Variants in B4GALT6 observed in about 807,000 individuals in gnomAD.
B4GALT6 encodes beta-1,4-galactosyltransferase 6.
A neutral mutation model predicts 46.3 loss-of-function variants in B4GALT6; 14 were observed. The observed-to-expected ratio is 0.30, with a 90% CI of 0.20 to 0.47. B4GALT6 has a LOEUF of 0.47. B4GALT6 is among the 20% of genes least tolerant of loss of function. B4GALT6 has a pLI of 0.99. For synonymous variants in B4GALT6, 168 were observed against 162.0 expected (o/e 1.04, Z -0.28); for missense variants, 386 against 480.1 (o/e 0.80, Z 1.83).
chr18:31,664,707 T>A (rs1042557281), intron 2 of B4GALT6, among the ~76,000 whole-genome samples: 1 of 152,202 alleles, frequency 6.6e-6, no homozygotes, highest in Admixed American at 6.5e-5. Context: ...AGATGTCTAT[T>A]TCCTTTCAGT....
At chr18:31,666,885 T>C (rs755375219) in intron 1 of B4GALT6, among the ~76,000 whole-genome samples, 2 of 152,156 alleles carry the variant, frequency 1.3e-5, no homozygotes, top group African/African-American at 2.4e-5. Flanking sequence ...CTAGGATCAG[T>C]ATCTGTTTGG....
At chr18:31,658,387 C>T (rs1260934232) in intron 2 of B4GALT6, 4 of 242,668 alleles carry the variant, frequency 1.6e-5, no homozygotes, top group Non-Finnish European at 3.2e-5. Context: ...TGGCTGAGCC[C>T]GATCTACAGG....
At chr18:31,665,470 T>A (rs1256995867) in intron 2 of B4GALT6, among the ~76,000 whole-genome samples, 1 of 152,198 alleles carries the variant, frequency 6.6e-6, no homozygotes. Context: ...CCGGGCACAG[T>A]GGCTCATGCC....
the B4GALT6 span, among the ~76,000 whole-genome samples, chr18:31,703,089 T>TA: frequency 6.3e-4 from 96 of 152,012 alleles, 2 homozygotes; most frequent in East Asian, 3.9e-3. Context: ...ATTCTTTTGA[T>TA]AAAAAAAATA....
chr18:31,668,977 C>T (rs1210937168), intron 1 of B4GALT6, among the ~76,000 whole-genome samples: 1 of 151,162 alleles, frequency 6.6e-6, no homozygotes, highest in African/African-American at 2.4e-5. Context: ...GACTGCGCCA[C>T]TGCACTCTAG....
chr18:31,651,748 C>T (rs1022308941), intron 3 of B4GALT6, among the ~76,000 whole-genome samples: 1 of 152,062 alleles, frequency 6.6e-6, no homozygotes, highest in African/African-American at 2.4e-5. Context: ...GCTTCTCCCT[C>T]ATCCTTCCCA....
the B4GALT6 span, among the ~76,000 whole-genome samples, chr18:31,711,805 T>C: frequency 3.9e-5 from 6 of 152,192 alleles, no homozygotes; most frequent in Non-Finnish European, 8.8e-5. Context: ...ACATGCAGGC[T>C]CCTTATCCCT....
chr18:31,661,002 C>A (rs754880093), intron 2 of B4GALT6, among the ~76,000 whole-genome samples: 2 of 152,176 alleles, frequency 1.3e-5, no homozygotes, highest in African/African-American at 2.4e-5. Context: ...GGAAACCCCC[C>A]CTTAGCGTGG....
At chr18:31,669,311 C>T (rs1396254143) in intron 1 of B4GALT6, among the ~76,000 whole-genome samples, 1 of 152,120 alleles carries the variant, frequency 6.6e-6, no homozygotes, top group Non-Finnish European at 1.5e-5. Context: ...ATAAACATGT[C>T]ATCCTTGTGC....
chr18:31,705,852 C>A, the B4GALT6 span, among the ~76,000 whole-genome samples: 1 of 152,108 alleles, frequency 6.6e-6, no homozygotes. Flanking sequence ...TTTTTTATTG[C>A]CCTATAGAAC....
chr18:31,683,491 C>G (rs906206985), intron 1 of B4GALT6, among the ~76,000 whole-genome samples: 3 of 152,132 alleles, frequency 2.0e-5, no homozygotes, highest in African/African-American at 7.2e-5. Flanking sequence ...TTCTCATTCA[C>G]TAGAATTAAC....
chr18:31,724,581 A>T, the B4GALT6 span: 3 of 1,060,426 alleles, frequency 2.8e-6, no homozygotes, highest in Non-Finnish European at 3.4e-6. Context: ...ATTCTTGGAC[A>T]CGGATTCAGC....
intron 5 of B4GALT6, among the ~76,000 whole-genome samples, chr18:31,633,218 C>CCT (rs1344572794): frequency 4.6e-5 from 7 of 152,068 alleles, no homozygotes; most frequent in African/African-American, 1.7e-4. Flanking sequence ...TCCCAGTATC[C>CCT]CTCATCCTTT....
At position 31,659,774 on chromosome 18, in the gene B4GALT6, C is replaced by T. The variant is rs1328315777; in HGVS notation, c.233-1685G>A. 2.0e-5 allele frequency among the ~76,000 whole-genome samples: 3 copies of T among 152,028 alleles called. No homozygotes were observed. In the East Asian group the frequency reaches 5.8e-4, roughly 29 times the overall value. ...CTGACAAGGAAAATCTTCCAAATAA[C>T]AAGGGGAGGAGAAATTCAGTGAACA... On this transcript the variant is annotated intron_variant, in intron 2 of 8. Coordinates refer to ENST00000306851, the MANE Select transcript of B4GALT6 (RefSeq NM_004775.5).
the B4GALT6 span, among the ~76,000 whole-genome samples, chr18:31,705,107 A>G: frequency 6.6e-6 from 1 of 152,254 alleles, no homozygotes; most frequent in Non-Finnish European, 1.5e-5. Flanking sequence ...AGATAGGAAC[A>G]TAGACTAGAG....
the B4GALT6 span, among the ~76,000 whole-genome samples, chr18:31,704,221 ATT>A: frequency 1.5e-3 from 209 of 142,646 alleles, 2 homozygotes; most frequent in African/African-American, 3.5e-3. Flanking sequence ...AGAACATGAG[ATT>A]TTTTTTTTTT....
chr18:31,659,426 G>A (rs904344939), intron 2 of B4GALT6, among the ~76,000 whole-genome samples: 1 of 152,154 alleles, frequency 6.6e-6, no homozygotes, highest in African/African-American at 2.4e-5. Context: ...AGAGACTCAC[G>A]CCACCTGCAA....
chr18:31,671,573 C>T lies in B4GALT6; in HGVS notation c.116-5201G>A, dbSNP rs1255407197. Among the ~76,000 whole-genome samples the T allele has an allele frequency of 2.6e-5, 4 of 152,124 alleles. No individual in the cohort carries two copies. In the South Asian group the frequency reaches 6.2e-4, roughly 24 times the overall value. On this transcript the variant is annotated intron_variant, in intron 1 of 8. Transcript: ENST00000306851. The stretch of plus-strand genomic sequence containing the variant: ...TTGAGAAGTGTCTGTTCATATCCTT[C>T]GCCTATTTTTTGATGGGGTTTTTTT...
At chr18:31,664,148 G>A (rs1000830236) in intron 2 of B4GALT6, among the ~76,000 whole-genome samples, 5 of 81,540 alleles carry the variant, frequency 6.1e-5, no homozygotes, top group Non-Finnish European at 7.8e-5. Context: ...CCTTCCTACT[G>A]ACCCAAGTTC....
Sources: allele counts gnomAD v4.1 joint callset (sites outside exome capture counted in the v4.1 genomes callset), GRCh38; gene constraint gnomAD v4.1.1; transcripts MANE v1.5; gene names NCBI Gene and HGNC (gene_info 2026-07-23, HGNC 2026-07-21).